The following PABPC4L variants were observed in gnomAD, a reference collection of about 807,000 sequenced individuals.
PABPC4L encodes the protein polyadenylate-binding protein 4-like.
For missense variants in PABPC4L, 452 were observed against 451.4 expected (o/e 1.00, Z -0.01); for synonymous variants, 169 against 164.1 (o/e 1.03, Z -0.23).
the PABPC4L span, among the ~76,000 whole-genome samples, chr4:133,966,881 T>G: frequency 6.6e-6 from 1 of 152,124 alleles, no homozygotes; most frequent in Non-Finnish European, 1.5e-5. Context: ...AAAAACATAT[T>G]AGCAATGCAG....
At chr4:134,018,571 C>T in the PABPC4L span, among the ~76,000 whole-genome samples, 1 of 152,226 alleles carries the variant, frequency 6.6e-6, no homozygotes, top group East Asian at 1.9e-4. Context: ...TTCATATGTA[C>T]TTTCACCCTT....
the PABPC4L span, among the ~76,000 whole-genome samples, chr4:134,167,938 G>T: frequency 6.6e-6 from 1 of 151,988 alleles, no homozygotes; most frequent in East Asian, 1.9e-4. Context: ...AGAACAAATT[G>T]ATTTAATAGA....
the PABPC4L span, among the ~76,000 whole-genome samples, chr4:134,019,111 T>C: frequency 6.6e-6 from 1 of 152,096 alleles, no homozygotes; most frequent in Non-Finnish European, 1.5e-5. Context: ...AAATAAAAAT[T>C]AGAGAAATAT....
the PABPC4L span, among the ~76,000 whole-genome samples, chr4:134,099,990 T>A: frequency 6.6e-6 from 1 of 151,810 alleles, no homozygotes; most frequent in South Asian, 2.1e-4. Context: ...CCCCCATTTC[T>A]ATCTGGAAAC....
At chr4:134,175,576 G>A in the PABPC4L span, among the ~76,000 whole-genome samples, 1 of 152,010 alleles carries the variant, frequency 6.6e-6, no homozygotes, top group Non-Finnish European at 1.5e-5. Flanking sequence ...AGCCTCCTGA[G>A]TAGCTGGGAT....
the PABPC4L span, among the ~76,000 whole-genome samples, chr4:134,165,294 T>TAAATTAAAAAGCTTCTGCACAGCAG: frequency 1.3e-5 from 2 of 152,054 alleles, no homozygotes; most frequent in African/African-American, 4.8e-5. Flanking sequence ...GAGACCTCAT[T>TAAATTAAAAAGCTTCTGCACAGCAG]AAATTAAAAA....
the PABPC4L span, among the ~76,000 whole-genome samples, chr4:134,167,132 T>C: frequency 6.6e-6 from 1 of 152,290 alleles, no homozygotes; most frequent in East Asian, 1.9e-4. Flanking sequence ...TAGTGCTAGA[T>C]ACATGGTATT....
chr4:134,156,750 T>C, the PABPC4L span, among the ~76,000 whole-genome samples: 1 of 151,964 alleles, frequency 6.6e-6, no homozygotes, highest in South Asian at 2.1e-4. Context: ...CCATATTGTG[T>C]TACAAATTGT....
At chr4:134,057,730 G>T in the PABPC4L span, among the ~76,000 whole-genome samples, 1 of 152,024 alleles carries the variant, frequency 6.6e-6, no homozygotes, top group African/African-American at 2.4e-5. Flanking sequence ...CTCCAAGCTG[G>T]CAATATATGA....
At chr4:134,056,773 A>G in the PABPC4L span, among the ~76,000 whole-genome samples, 14 of 152,060 alleles carry the variant, frequency 9.2e-5, no homozygotes, top group African/African-American at 3.4e-4. Flanking sequence ...TAAGTTCTAG[A>G]TGTTTTTTGG....
chr4:134,146,133 C>T, the PABPC4L span, among the ~76,000 whole-genome samples: 1 of 151,800 alleles, frequency 6.6e-6, no homozygotes, highest in East Asian at 1.9e-4. Flanking sequence ...TCATGTTGAA[C>T]AAAATTCTGA....
the PABPC4L span, among the ~76,000 whole-genome samples, chr4:134,164,750 T>G: frequency 1.3e-5 from 2 of 152,104 alleles, no homozygotes; most frequent in South Asian, 2.1e-4. Context: ...TCACCACCAT[T>G]TTTTCACAGA....
the PABPC4L span, among the ~76,000 whole-genome samples, chr4:134,125,445 G>C: frequency 1.3e-5 from 2 of 151,932 alleles, no homozygotes; most frequent in African/African-American, 4.8e-5. Context: ...CCTCTTAAAA[G>C]GGCAGTCTGA....
At chr4:134,196,113 T>C (rs1002809555), downstream of PABPC4L, among the ~76,000 whole-genome samples, 1 of 151,496 alleles carries the variant, frequency 6.6e-6, no homozygotes, top group Non-Finnish European at 1.5e-5. Flanking sequence ...TAGTTAATTA[T>C]TCCTCATTAA....
chr4:134,177,336 C>G, the PABPC4L span, among the ~76,000 whole-genome samples: 2 of 151,866 alleles, frequency 1.3e-5, no homozygotes, highest in African/African-American at 4.8e-5. Flanking sequence ...CCACCATGCC[C>G]AACTAATTTT....
the PABPC4L span, among the ~76,000 whole-genome samples, chr4:134,151,277 G>A: frequency 2.0e-5 from 3 of 151,866 alleles, no homozygotes; most frequent in African/African-American, 4.8e-5. Flanking sequence ...TATGTATTAC[G>A]GTTAAAAATA....
At chr4:134,084,502 A>T in the PABPC4L span, among the ~76,000 whole-genome samples, 1,551 of 150,002 alleles carry the variant, frequency 0.01, 12 homozygotes, top group Middle Eastern at 0.014. Context: ...ATTTTTTTTT[A>T]AAAAAAAGAT....
At chr4:134,007,259 T>A in the PABPC4L span, among the ~76,000 whole-genome samples, 2 of 151,814 alleles carry the variant, frequency 1.3e-5, no homozygotes, top group Non-Finnish European at 3.0e-5. Flanking sequence ...CTTGTAATGA[T>A]GTTAATTGAA....
At chr4:133,977,033 T>A in the PABPC4L span, among the ~76,000 whole-genome samples, 7 of 152,154 alleles carry the variant, frequency 4.6e-5, no homozygotes, top group Non-Finnish European at 4.4e-5. Context: ...CTTCTAGAAT[T>A]TTTATAGTTT....
Sources: allele counts gnomAD v4.1 joint callset (sites outside exome capture counted in the v4.1 genomes callset), GRCh38; gene constraint gnomAD v4.1.1; transcripts MANE v1.5; gene names NCBI Gene and HGNC (gene_info 2026-07-23, HGNC 2026-07-21).